Variants in CPT1A observed in about 807,000 individuals in gnomAD.
The protein encoded by CPT1A is carnitine O-palmitoyltransferase 1, liver isoform.
A neutral mutation model predicts 100.8 loss-of-function variants in CPT1A; 64 were observed. The observed-to-expected ratio is 0.63, with a 90% CI of 0.52 to 0.78. The LOEUF (loss-of-function observed/expected upper bound fraction) is 0.78. Among genes scored for constraint, CPT1A ranks in the 30% least tolerant of loss-of-function variants. The pLI is 0.00. For missense variants in CPT1A, 802 were observed against 1,034.1 expected, an observed-to-expected ratio of 0.78 and a Z score of 3.08; for synonymous variants, 363 against 396.0, an observed-to-expected ratio of 0.92 and a Z score of 0.99.
chr11:68,788,630 T>TTAAAAAAAA (rs746681111), intron 9 of CPT1A, among the ~76,000 whole-genome samples: 1 of 27,548 alleles, frequency 3.6e-5, no homozygotes, highest in Admixed American at 5.6e-4. Context: ...CAAACAAAAG[T>TTAAAAAAAA]AAAAAAAAAA....
intron 14 of CPT1A, among the ~76,000 whole-genome samples, chr11:68,767,900 C>T (rs1854856633): frequency 6.6e-6 from 1 of 152,028 alleles, no homozygotes; most frequent in South Asian, 2.1e-4. Flanking sequence ...TGGCCACGCC[C>T]TCCCTTCCTT....
intron 5 of CPT1A, among the ~76,000 whole-genome samples, chr11:68,801,792 G>C (rs1855909094): frequency 6.6e-6 from 1 of 151,748 alleles, no homozygotes; most frequent in Admixed American, 6.6e-5. Context: ...CCCATGCACT[G>C]CTGGTTAGAA....
rs1405055968 is a variant in CPT1A, at chr11:68,838,267, C to CA, written c.-14+3507dup. 4.7e-4 allele frequency among the ~76,000 whole-genome samples: 71 copies of CA among 150,864 alleles called. 1 individual carries two copies. The highest frequency in any genetic ancestry group is 1.2e-3 in the Admixed American group (18 of 15,146). On this transcript the variant is annotated intron_variant, in intron 1 of 18. Transcript: ENST00000265641. ...TCCTGGACCGAAGAACAATCCTCAC[C>CA]AAAAAAAAGGCAAAGGCAGACACTT...
At chr11:68,761,411 A>C (rs2153994963) in intron 16 of CPT1A, 124 bp downstream of exon 16, 2 of 1,096,420 alleles carry the variant, frequency 1.8e-6, no homozygotes. Flanking sequence ...TGACAGCTAC[A>C]CCCACAGACC....
At position 68,770,723 on chromosome 11, in the gene CPT1A, G is replaced by A. The variant is rs531312186; in HGVS notation, c.1740+2542C>T. ...AACCAGCCTCTCACCGCTGGTGTAC[G>A]CCACTGTGGGTGACTATTCTTTTCC... On this transcript the variant is annotated intron_variant, in intron 14 of 18. Coordinates refer to ENST00000265641, the MANE Select transcript of CPT1A (RefSeq NM_001876.4). 3.3e-5 allele frequency among the ~76,000 whole-genome samples: 5 copies of A among 152,272 alleles called. No homozygotes were observed. In the East Asian group the frequency reaches 9.6e-4, roughly 29 times the overall value.
At chr11:68,771,886 G>A (rs1290478195) in intron 14 of CPT1A, among the ~76,000 whole-genome samples, 1 of 152,214 alleles carries the variant, frequency 6.6e-6, no homozygotes, top group Non-Finnish European at 1.5e-5. Flanking sequence ...GATTTTCTGA[G>A]GCATAATGGG....
intron 1 of CPT1A, among the ~76,000 whole-genome samples, chr11:68,829,874 C>T (rs1275802434): frequency 6.6e-6 from 1 of 151,920 alleles, no homozygotes; most frequent in Non-Finnish European, 1.5e-5. Flanking sequence ...GTCATGGGGC[C>T]GCGGATGTGT....
In CPT1A at chr11:68,807,486, C is replaced by G; in HGVS notation, c.434G>C (p.Arg145Pro). 1 of 1,614,070 alleles carries G rather than the reference C, an allele frequency of 6.2e-7. No homozygotes were observed. Among genetic ancestry groups the G allele is most frequent in the Non-Finnish European group, 8.5e-7 (1 of 1,180,008 alleles). Reference protein sequence around the residue: ...WMFTEHGKMSRATKIWMGMVK... With the variant: ...WMFTEHGKMSPATKIWMGMVK... ...AATTACCATCCAGATCTTGGTGGCA[C>G]GACTCATCTTGCCGTGCTCAGTGAA... The change falls in exon 4 of 19, where the codon CGT (arginine) becomes CCT (proline). Residue 145 changes from arginine to proline, a missense_variant. This residue lies in a region of CPT1A where 161 missense variants were observed against 183.7 expected (regional missense o/e 0.88). Transcript: ENST00000265641.
chr11:68,821,843 T>C (rs1274246217), intron 1 of CPT1A, among the ~76,000 whole-genome samples: 5 of 152,164 alleles, frequency 3.3e-5, no homozygotes, highest in Admixed American at 3.3e-4. Context: ...TCTTGGAATG[T>C]ATCCCCCCAA....
chr11:68,779,181 C>T (rs1467193626), intron 12 of CPT1A, among the ~76,000 whole-genome samples: 5 of 152,254 alleles, frequency 3.3e-5, no homozygotes, highest in South Asian at 2.1e-4. Context: ...CTCCCACACA[C>T]GCCGTGACTT....
At chr11:68,839,699 G>A in intron 1 of CPT1A, 1 of 985,522 alleles carries the variant, frequency 1.0e-6, no homozygotes, top group Non-Finnish European at 1.2e-6. Context: ...GGGGCTCACT[G>A]TGAAGCCTCA....
At chr11:68,794,045 A>G (rs1242359212) in intron 8 of CPT1A, among the ~76,000 whole-genome samples, 1 of 152,222 alleles carries the variant, frequency 6.6e-6, no homozygotes, top group Non-Finnish European at 1.5e-5. Flanking sequence ...TATTAGTTCA[A>G]AAACATCAAG....
At chr11:68,779,805 A>AC (rs1555228356) in intron 12 of CPT1A, among the ~76,000 whole-genome samples, 1 of 151,452 alleles carries the variant, frequency 6.6e-6, no homozygotes, top group South Asian at 2.1e-4. Flanking sequence ...CAAAAAAAAA[A>AC]AAAAAAACAA....
rs143472648 is a variant in CPT1A at position 68,764,832 on chromosome 11, C to T, written c.1741-2071G>A. Reference sequence around the variant, plus strand: ...AGAGCAGCGGCTTTGCAGAGGGAAGCGTCTAGAGACCGTGGGAGCACGCTG... The same window carrying T: ...AGAGCAGCGGCTTTGCAGAGGGAAGTGTCTAGAGACCGTGGGAGCACGCTG... On this transcript the variant is annotated intron_variant, in intron 14 of 18. Coordinates refer to ENST00000265641, the MANE Select transcript of CPT1A (RefSeq NM_001876.4). Among the ~76,000 whole-genome samples the T allele has an allele frequency of 3.4e-4, 52 of 152,372 alleles. 1 individual carries two copies. The highest frequency in any genetic ancestry group is 1.1e-3 in the African/African-American group (47 of 41,594).
chr11:68,834,262 C>A (rs1383586415), intron 1 of CPT1A, among the ~76,000 whole-genome samples: 1 of 152,068 alleles, frequency 6.6e-6, no homozygotes, highest in African/African-American at 2.4e-5. Flanking sequence ...CGTGGCAAAA[C>A]CTCATCTCTA....
chr11:68,773,138 G>C, intron 14 of CPT1A, 127 bp downstream of exon 14: 1 of 1,515,812 alleles, frequency 6.6e-7, no homozygotes, highest in East Asian at 2.4e-5. Flanking sequence ...GGAGACCGGG[G>C]TCGGGGGGAG....
At chr11:68,822,235 A>T (rs149987625) in intron 1 of CPT1A, among the ~76,000 whole-genome samples, 2,651 of 152,122 alleles carry the variant, frequency 0.017, 64 homozygotes, top group African/African-American at 0.055. Flanking sequence ...AAAATAAAAA[A>T]AAAAATAAAA....
chr11:68,841,721 G>A lies in CPT1A; in HGVS notation c.-14+54C>T. The A allele has an allele frequency of 3.3e-6, 3 of 906,890 alleles. No individual in the cohort carries two copies. Among genetic ancestry groups the A allele is most frequent in the South Asian group, 9.7e-5 (2 of 20,574 alleles). 56.2% of individuals were successfully genotyped at this position (906,890 alleles called of 1,614,324 possible). On this transcript the variant is annotated intron_variant, in intron 1 of 18. Coordinates refer to ENST00000265641, the MANE Select transcript of CPT1A (RefSeq NM_001876.4). The surrounding 1 kb of genome is among the most constrained non-coding windows in gnomAD (Gnocchi z 6.3). ...CGCGCCCCGCCCGTCCCCGGCCCCC[G>A]CAGCCCGCAGGGCCGCCCCGCCACC... is the stretch of plus-strand genomic sequence containing the variant.
At chr11:68,758,669 A>AT (rs1055512145) in intron 18 of CPT1A, among the ~76,000 whole-genome samples, 4 of 139,412 alleles carry the variant, frequency 2.9e-5, no homozygotes, top group Admixed American at 7.7e-5. Flanking sequence ...CCCAGGCTGG[A>AT]GTGCAGTGGC....
Sources: gnomAD v4.1 joint callset for allele counts (sites outside exome capture counted in the v4.1 genomes callset) on GRCh38, gnomAD v4.1.1 for gene constraint, gnomAD v4.1.1 regional missense constraint, Gnocchi (gnomAD v3.1) non-coding constraint, MANE v1.5 for transcripts, NCBI Gene and HGNC (gene_info 2026-07-23, HGNC 2026-07-21) for gene names.